The following NLRP13 variants were observed in gnomAD, a reference collection of about 807,000 sequenced individuals.
NLRP13 encodes NLR family pyrin domain containing 13.
A neutral mutation model predicts 94.4 loss-of-function variants in NLRP13; 82 were observed. The ratio of observed to expected loss-of-function variants is 0.87; its 90% CI spans 0.73 to 1.04. NLRP13 has a LOEUF of 1.04. Among genes scored for constraint, NLRP13 ranks in the 50% least tolerant of loss-of-function variants. The pLI, the probability that NLRP13 is intolerant of heterozygous loss-of-function variation, is 0.00. For missense variants in NLRP13, 1,426 were observed against 1,230.8 expected (o/e 1.16, Z -2.37); for synonymous variants, 553 against 464.7 (o/e 1.19, Z -2.45).
chr19:55,907,013 G>A (rs544480188), intron 7 of NLRP13, among the ~76,000 whole-genome samples: 8 of 152,116 alleles, frequency 5.3e-5, no homozygotes, highest in Admixed American at 2.6e-4. Context: ...AGGCTGGAGT[G>A]CAGTGTCACA....
chr19:55,924,008 A>T, intron 3 of NLRP13, 29 bp from the exon 4 acceptor site: 1 of 1,570,672 alleles, frequency 6.4e-7, no homozygotes, highest in Non-Finnish European at 8.8e-7. Flanking sequence ...ATGAGATATG[A>T]AAATACCCCA....
intron 4 of NLRP13, among the ~76,000 whole-genome samples, chr19:55,921,972 A>G (rs932655164): frequency 6.6e-6 from 1 of 152,238 alleles, no homozygotes; most frequent in African/African-American, 2.4e-5. Context: ...GGTAATTTAT[A>G]AAGAAAAATA....
At chr19:55,926,278 G>A (rs1986963860) in intron 1 of NLRP13, among the ~76,000 whole-genome samples, 1 of 152,196 alleles carries the variant, frequency 6.6e-6, no homozygotes, top group African/African-American at 2.4e-5. Flanking sequence ...GAAAAGCCAG[G>A]CTATTCCAGA....
Position 55,924,616 on chromosome 19 carries a change from T to A in NLRP13, c.431A>T (p.Glu144Val). Residue 144 changes from glutamate to valine, a missense_variant, in exon 3 of 11, where the codon GAA (glutamate) becomes GTA (valine). Coordinates refer to ENST00000342929, the MANE Select transcript of NLRP13 (RefSeq NM_176810.2). Reference sequence around the variant, plus strand: ...TGTTTCTTCTTCTAGCTCGTCTAGTTCTTCTTGGTTTGGATCTTGGCATCC... The same window carrying A: ...TGTTTCTTCTTCTAGCTCGTCTAGTACTTCTTGGTTTGGATCTTGGCATCC... Reference protein sequence around the residue: ...TQGCQDPNQEELDELEEETGN... With the variant: ...TQGCQDPNQEVLDELEEETGN... 1 of 1,613,700 alleles carries A rather than the reference T, an allele frequency of 6.2e-7. No individual in the cohort carries two copies. The highest frequency in any genetic ancestry group is 8.5e-7 in the Non-Finnish European group (1 of 1,179,750).
intron 1 of NLRP13, 34 bp downstream of exon 1, chr19:55,931,959 C>T (rs781519634): frequency 2.5e-6 from 4 of 1,598,348 alleles, no homozygotes; most frequent in Middle Eastern, 2.2e-4. Context: ...GAGTACCAAG[C>T]AGCCCTCCCG....
intron 1 of NLRP13, among the ~76,000 whole-genome samples, chr19:55,930,900 A>T (rs1025510560): frequency 0.14 from 14,798 of 103,456 alleles, 1,307 homozygotes; most frequent in South Asian, 0.2. Flanking sequence ...ATATATATAA[A>T]ATTTTAACCA....
intron 7 of NLRP13, among the ~76,000 whole-genome samples, chr19:55,905,939 G>T (rs1402603500): frequency 1.3e-5 from 2 of 152,146 alleles, no homozygotes; most frequent in Non-Finnish European, 2.9e-5. Context: ...GATTTGGGGA[G>T]AATCAAAGAA....
In NLRP13 at chr19:55,898,771, C is replaced by A. The variant is rs751171280; in HGVS notation, c.2956G>T (p.Gly986Trp). 4.1e-5 allele frequency: 66 copies of A among 1,602,764 alleles called. No individual in the cohort carries two copies. The highest frequency in any genetic ancestry group is 1.6e-4 in the South Asian group (14 of 88,688). Residue 986 changes from glycine to tryptophan, a missense_variant and splice_region_variant, in exon 10 of 11, where the codon GGG (glycine) becomes TGG (tryptophan). By Grantham distance (184) the Gly-to-Trp change is radical (BLOSUM62 -2). Transcript: ENST00000342929. ...LKPHRALHTL[G>W]LAKCNLTTAC... ...GCAAGGAGAACAGCATCAACTCACC[C>A]AAGTGTGTGCAATGCACGATGTGGT...
intron 7 of NLRP13, among the ~76,000 whole-genome samples, chr19:55,906,076 G>A (rs982059795): frequency 1.3e-5 from 2 of 152,086 alleles, no homozygotes; most frequent in South Asian, 2.1e-4. Flanking sequence ...GGTGGCTCAC[G>A]CCTGGAATCC....
At chr19:55,896,354 T>C (rs302824) in intron 10 of NLRP13, among the ~76,000 whole-genome samples, 130,116 of 151,572 alleles carry the variant, frequency 0.86, 56,387 homozygotes, top group East Asian at 0.97. Flanking sequence ...GAAACCCCAT[T>C]TCTATTAAAA....
At chr19:55,895,542 G>A (rs548964816), downstream of NLRP13, among the ~76,000 whole-genome samples, 24 of 152,254 alleles carry the variant, frequency 1.6e-4, no homozygotes, top group Non-Finnish European at 3.2e-4. Context: ...AATTAGCTGG[G>A]CGTGGTGGTG....
chr19:55,927,497 C>T (rs901241792), intron 1 of NLRP13, among the ~76,000 whole-genome samples: 69 of 149,862 alleles, frequency 4.6e-4, no homozygotes, highest in African/African-American at 1.4e-3. Context: ...TCCATTTGTA[C>T]ACCTGTGGAA....
chr19:55,900,347 T>C (rs1301674845), intron 9 of NLRP13, among the ~76,000 whole-genome samples: 1 of 152,164 alleles, frequency 6.6e-6, no homozygotes, highest in African/African-American at 2.4e-5. Context: ...TTCTTATAAA[T>C]GCAGATGCAA....
In NLRP13 at chr19:55,900,194, A is replaced by G. The variant is rs138142896; in HGVS notation, c.2790-1257T>C. 4.0e-3 allele frequency among the ~76,000 whole-genome samples: 615 copies of G among 152,252 alleles called. 3 individuals carry two copies. Among genetic ancestry groups the G allele is most frequent in the Admixed American group, 0.012 (179 of 15,286 alleles). ...ATAAAACGATTAAAGTTTTAAAAAC[A>G]AGAAAGAATTCCCTACAAGTGACGA... On this transcript the variant is annotated intron_variant, in intron 9 of 10. Coordinates refer to ENST00000342929, the MANE Select transcript of NLRP13 (RefSeq NM_176810.2).
intron 1 of NLRP13, among the ~76,000 whole-genome samples, chr19:55,930,953 A>T (rs1337346375): frequency 7.2e-6 from 1 of 139,138 alleles, no homozygotes; most frequent in Non-Finnish European, 1.6e-5. Flanking sequence ...ATTAATTACA[A>T]AACACTTTAT....
intron 4 of NLRP13, 68 bp downstream of exon 4, chr19:55,923,846 T>C: frequency 8.8e-7 from 1 of 1,141,100 alleles, no homozygotes; most frequent in South Asian, 1.2e-5. Context: ...GCAACTCTAC[T>C]ATGGACCTAG....
chr19:55,914,263 A>C (rs994299209), intron 4 of NLRP13, among the ~76,000 whole-genome samples: 1 of 152,248 alleles, frequency 6.6e-6, no homozygotes, highest in Non-Finnish European at 1.5e-5. Flanking sequence ...TCTGGGGCCT[A>C]CTACGTATGC....
rs55900335 is a variant in NLRP13, at chr19:55,930,874, T to TTTTATATATATA, written c.319+1118_319+1119insTATATATATAAA. ...GGCTTACAGGAGATAGAATCAGTGA[T>TTTTATATATATA]TATATATATATATATATATATATAA... On this transcript the variant is annotated intron_variant, in intron 1 of 10. Transcript: ENST00000342929. Among the ~76,000 whole-genome samples, 220 of 70,184 alleles carry TTTTATATATATA rather than the reference T, an allele frequency of 3.1e-3. 10 individuals carry two copies. The highest frequency in any genetic ancestry group is 0.015 in the African/African-American group (195 of 12,698). The allele number at this position is 70,184 out of a possible 152,430, so 46.0% of individuals were successfully genotyped here. A position where few individuals can be genotyped will look rare whatever the true frequency, so the allele number is the denominator to read the frequency against.
chr19:55,896,208 A>G, intron 10 of NLRP13, 89 bp from the exon 11 acceptor site: 3 of 1,430,230 alleles, frequency 2.1e-6, no homozygotes, highest in African/African-American at 1.4e-5. Flanking sequence ...GAAAAAAACT[A>G]TTACTAAAGC....
Sources: gnomAD v4.1 joint callset for allele counts (sites outside exome capture counted in the v4.1 genomes callset) on GRCh38, gnomAD v4.1.1 for gene constraint, MANE v1.5 for transcripts, NCBI Gene and HGNC (gene_info 2026-07-23, HGNC 2026-07-21) for gene names.